The following GON4L variants were observed in gnomAD, a reference collection of about 807,000 sequenced individuals.
GON4L encodes the protein GON-4-like protein.
A neutral mutation model predicts 211.8 loss-of-function variants in GON4L; 87 were observed. The observed-to-expected ratio is 0.41, with a 90% CI of 0.35 to 0.49. The LOEUF (loss-of-function observed/expected upper bound fraction) is 0.49. GON4L is among the 20% of genes least tolerant of loss of function. GON4L has a pLI of 0.15. For missense variants in GON4L, 2,155 were observed against 2,659.5 expected (o/e 0.81, Z 4.17); for synonymous variants, 875 against 962.6 (o/e 0.91, Z 1.68).
At chr1:155,818,314 G>A (rs958709649) in intron 6 of GON4L, among the ~76,000 whole-genome samples, 5 of 152,032 alleles carry the variant, frequency 3.3e-5, no homozygotes, top group Admixed American at 1.3e-4. Flanking sequence ...GTTTCGCCAT[G>A]TTGGCCAGGC....
chr1:155,751,336 A>G (rs537445496), intron 31 of GON4L, among the ~76,000 whole-genome samples: 1 of 152,162 alleles, frequency 6.6e-6, no homozygotes, highest in East Asian at 1.9e-4. Context: ...ACCTGAGGTC[A>G]GGAGTTCAAG....
intron 25 of GON4L, 48 bp from the exon 26 acceptor site, chr1:155,757,371 G>A (rs781217093): frequency 6.4e-7 from 1 of 1,565,346 alleles, no homozygotes; most frequent in South Asian, 1.1e-5. Flanking sequence ...AGCCTCTCTA[G>A]GCTGCCCTTC....
Position 155,853,419 on chromosome 1 carries a change from C to T in GON4L, c.362G>A (p.Gly121Glu), listed in dbSNP as rs142863122. ...FHPLNIHIGK[G>E]KLHATGSKRG... Reference sequence around the variant, plus strand: ...CTTTGAGCCAGTAGCGTGGAGTTTTCCTTTACCAATGTGTATATTAAGGGG... The same window carrying T: ...CTTTGAGCCAGTAGCGTGGAGTTTTTCTTTACCAATGTGTATATTAAGGGG... Residue 121 changes from glycine (G) to glutamate (E), a missense_variant, in exon 2 of 32, where the codon GGA (glycine) becomes GAA (glutamate). Transcript: ENST00000368331. 2.5e-6 allele frequency: 4 copies of T among 1,613,986 alleles called. No individual in the cohort carries two copies. The African/African-American group carries it at 5.3e-5, about 22-fold the overall frequency.
chr1:155,830,048 T>C (rs1669605126), intron 2 of GON4L, among the ~76,000 whole-genome samples: 2 of 151,886 alleles, frequency 1.3e-5, no homozygotes, highest in Admixed American at 1.3e-4. Flanking sequence ...TATCCTAGGC[T>C]CAAGCAATTC....
chr1:155,771,175 A>G lies in GON4L; in HGVS notation c.2538T>C (p.Phe846=). ...GGTACTTGCTGATTAGAGGATTAGG[A>G]AACTCAGTTCCTTCAAAATGCTTCA... The part of the protein sequence containing the change: ...LGLKHFEGTE[F]PNPLISKYLL... Residue 846 remains phenylalanine, a synonymous_variant, in exon 19 of 32, where the codon TTT becomes TTC. Transcript: ENST00000368331. 1.9e-6 allele frequency: 3 copies of G among 1,614,194 alleles called. No homozygotes were observed. Among genetic ancestry groups the G allele is most frequent in the Non-Finnish European group, 2.5e-6 (3 of 1,180,016 alleles).
At chr1:155,784,684 A>T (rs1208046382) in intron 13 of GON4L, 1 of 168,152 alleles carries the variant, frequency 5.9e-6, no homozygotes, top group East Asian at 1.6e-4. Flanking sequence ...ACCCAGCCTC[A>T]AAATGATCAA....
At chr1:155,818,618 G>T (rs748210882) in intron 6 of GON4L, among the ~76,000 whole-genome samples, 1 of 152,160 alleles carries the variant, frequency 6.6e-6, no homozygotes, top group Non-Finnish European at 1.5e-5. Flanking sequence ...GGCTACATTA[G>T]GAGAAATATG....
At position 155,765,105 on chromosome 1, in the gene GON4L, C is replaced by T. The variant is rs760249714; in HGVS notation, c.4368G>A (p.Gly1456=). 4 of 1,614,136 alleles carry T rather than the reference C, an allele frequency of 2.5e-6. No individual in the cohort carries two copies. Among genetic ancestry groups the T allele is most frequent in the Admixed American group, 1.7e-5 (1 of 60,014 alleles). The part of the protein sequence containing the change: ...VGPETGGEKN[G]PEEEEEEDFD... ...AGTCCTCTTCTTCCTCTTCTTCTGG[C>T]CCATTCTTCTCTCCTCCAGTTTCTG... is the stretch of plus-strand genomic sequence containing the variant. The change falls in exon 21 of 32, where the codon GGG becomes GGA. Residue 1456 remains glycine, a synonymous_variant. Transcript: ENST00000368331.
rs1405736045 is a variant in GON4L at position 155,766,055 on chromosome 1, G to A, written c.3418C>T (p.Pro1140Ser). 1.2e-6 allele frequency: 2 copies of A among 1,613,600 alleles called. No individual in the cohort carries two copies. Among genetic ancestry groups the A allele is most frequent in the Non-Finnish European group, 1.7e-6 (2 of 1,179,726 alleles). The change falls in exon 21 of 32, where the codon CCT becomes TCT. Residue 1140 changes from proline to serine, a missense_variant. Transcript: ENST00000368331. ...GGAACAGTGAAGATAACAGATGCAG[G>A]GTGGTGGATAACAGGGGCAGGTTTC... ...CMKPAPVIHH[P>S]ASVIFTVPAT...
chr1:155,751,018 C>T (rs1241130376), intron 31 of GON4L, among the ~76,000 whole-genome samples: 1 of 152,154 alleles, frequency 6.6e-6, no homozygotes, highest in African/African-American at 2.4e-5. Context: ...CCCACCTCGG[C>T]CTCCCAAAGT....
At chr1:155,805,270 G>C in intron 10 of GON4L, 129 bp from the exon 11 acceptor site, 1 of 695,868 alleles carries the variant, frequency 1.4e-6, no homozygotes, top group South Asian at 1.6e-5. Flanking sequence ...ATTATTGTTT[G>C]AGAAACTTTA....
intron 12 of GON4L, among the ~76,000 whole-genome samples, chr1:155,791,929 TAA>T (rs1665629807): frequency 6.8e-6 from 1 of 148,004 alleles, no homozygotes; most frequent in African/African-American, 2.6e-5. Flanking sequence ...TAACATCACA[TAA>T]CATAACATAA....
chr1:155,803,715 A>G (rs911754922), intron 11 of GON4L, among the ~76,000 whole-genome samples: 2 of 152,200 alleles, frequency 1.3e-5, no homozygotes, highest in East Asian at 3.8e-4. Flanking sequence ...ATGTAGTACC[A>G]AGAGACTGGG....
At chr1:155,794,804 T>C (rs968373437) in intron 12 of GON4L, among the ~76,000 whole-genome samples, 5 of 152,192 alleles carry the variant, frequency 3.3e-5, no homozygotes, top group Non-Finnish European at 7.3e-5. Context: ...CCATGTCTTA[T>C]TCATCTTGCA....
In GON4L at chr1:155,776,207, T is replaced by C. The variant is rs561211781; in HGVS notation, c.2178+188A>G. 9.8e-5 allele frequency among the ~76,000 whole-genome samples: 15 copies of C among 152,290 alleles called. 1 individual carries two copies. In the South Asian group the frequency reaches 3.1e-3, roughly 32 times the overall value. On this transcript the variant is annotated intron_variant, in intron 16 of 31. Transcript: ENST00000368331. ...AGAAAATTGAATACACTCCTTGTCC[T>C]TTCATGGGAATCAGTGGCTTACGTT...
At chr1:155,771,809 C>T (rs773953216) in intron 18 of GON4L, among the ~76,000 whole-genome samples, 1 of 152,102 alleles carries the variant, frequency 6.6e-6, no homozygotes, top group Non-Finnish European at 1.5e-5. Flanking sequence ...AATTCTTGTA[C>T]AAGTTGGTGA....
chr1:155,776,523 T>C (rs371255856), intron 15 of GON4L, 42 bp from the exon 16 acceptor site: 408 of 1,387,140 alleles, frequency 2.9e-4, no homozygotes, highest in Non-Finnish European at 3.9e-4. Context: ...TGTTACCACA[T>C]TGTCATTTCA....
chr1:155,793,776 T>C (rs1179539697), intron 12 of GON4L, among the ~76,000 whole-genome samples: 1 of 152,072 alleles, frequency 6.6e-6, no homozygotes, highest in Non-Finnish European at 1.5e-5. Flanking sequence ...ATTAGGCTAA[T>C]TTCTTAAATT....
chr1:155,762,928 C>T (rs1035434461), intron 22 of GON4L, among the ~76,000 whole-genome samples: 2 of 151,800 alleles, frequency 1.3e-5, no homozygotes, highest in Non-Finnish European at 2.9e-5. Flanking sequence ...CCCAGCTACT[C>T]AGGAGGGTGA....
Sources: allele counts gnomAD v4.1 joint callset (sites outside exome capture counted in the v4.1 genomes callset), GRCh38; gene constraint gnomAD v4.1.1; transcripts MANE v1.5; gene names NCBI Gene and HGNC (gene_info 2026-07-23, HGNC 2026-07-21).